Variants in MAD1L1 observed in about 807,000 individuals in gnomAD.
MAD1L1 encodes mitotic arrest deficient 1 like 1.
A neutral mutation model predicts 96.9 loss-of-function variants in MAD1L1; 95 were observed. The ratio of observed to expected loss-of-function variants is 0.98; its 90% CI spans 0.83 to 1.16. The LOEUF is 1.16. Ranked by LOEUF, MAD1L1 falls within the 50% of genes most tolerant of loss-of-function variation. MAD1L1 has a pLI of 0.00. For missense variants in MAD1L1, 1,007 were observed against 954.4 expected (o/e 1.06, Z -0.73); for synonymous variants, 473 against 396.6 (o/e 1.19, Z -2.29).
At chr7:2,037,610 G>A (rs1484669662) in intron 12 of MAD1L1, among the ~76,000 whole-genome samples, 3 of 152,114 alleles carry the variant, frequency 2.0e-5, no homozygotes, top group African/African-American at 4.8e-5. Context: ...CTGTACTTCC[G>A]ACATTGCATC....
At chr7:1,930,661 C>T (rs565839035) in intron 17 of MAD1L1, among the ~76,000 whole-genome samples, 115 of 150,950 alleles carry the variant, frequency 7.6e-4, no homozygotes, top group Non-Finnish European at 1.3e-3. Flanking sequence ...CTTGGGGGCC[C>T]TGATTCCCCA....
chr7:1,842,670 A>C (rs1397499033), intron 18 of MAD1L1, among the ~76,000 whole-genome samples: 1 of 152,086 alleles, frequency 6.6e-6, no homozygotes, highest in Non-Finnish European at 1.5e-5. Flanking sequence ...TGGGCCCATC[A>C]TTTACTGAGT....
chr7:2,075,367 C>T (rs538295554), intron 11 of MAD1L1, among the ~76,000 whole-genome samples: 2 of 152,356 alleles, frequency 1.3e-5, no homozygotes, highest in Admixed American at 6.5e-5. Context: ...CGGGACCCAG[C>T]ACGCTGAGCC....
chr7:1,877,921 T>G (rs1008410672), intron 18 of MAD1L1, among the ~76,000 whole-genome samples: 39 of 151,486 alleles, frequency 2.6e-4, no homozygotes, highest in Non-Finnish European at 4.6e-4. Flanking sequence ...AGGAGAGAGA[T>G]AAAAAAATCG....
At chr7:2,135,856 G>A (rs908419018) in intron 11 of MAD1L1, among the ~76,000 whole-genome samples, 4 of 152,274 alleles carry the variant, frequency 2.6e-5, no homozygotes, top group African/African-American at 4.8e-5. Context: ...TGAGTCCAAG[G>A]ATCTCTATTT....
intron 17 of MAD1L1, among the ~76,000 whole-genome samples, chr7:1,923,402 C>T (rs1788907590): frequency 6.6e-6 from 1 of 151,144 alleles, no homozygotes; most frequent in South Asian, 2.1e-4. Flanking sequence ...TGTCTGTCTC[C>T]ATCCTCTTCT....
chr7:1,903,694 C>G (rs1787423866), intron 17 of MAD1L1, among the ~76,000 whole-genome samples: 1 of 145,088 alleles, frequency 6.9e-6, no homozygotes, highest in African/African-American at 2.7e-5. Flanking sequence ...TTGCGGAACT[C>G]ATGATTGATG....
At chr7:2,071,588 AG>A (rs1219910263) in intron 11 of MAD1L1, among the ~76,000 whole-genome samples, 1 of 152,212 alleles carries the variant, frequency 6.6e-6, no homozygotes, top group Non-Finnish European at 1.5e-5. Context: ...AGGAAGATCG[AG>A]GCCGGACTAG....
Position 1,845,706 on chromosome 7 carries a change from TAGG to T in MAD1L1, c.1999-29481_1999-29479del, listed in dbSNP as rs1266573668. The T allele has an allele frequency of 4.6e-5, 7 of 152,050 alleles. 1 individual carries two copies. The highest frequency in any genetic ancestry group is 1.0e-4 in the Non-Finnish European group (7 of 67,876). The allele number at this position is 152,050 out of a possible 1,614,324, so 9.4% of individuals were successfully genotyped here. ...CTGGTTCACGGGGAAGAGCGCTGTT[TAGG>T]AGATGGACACGCTCCACGCAGACAC... On this transcript the variant is annotated intron_variant, in intron 18 of 18. Transcript: ENST00000265854.
chr7:2,201,071 C>G lies in MAD1L1; in HGVS notation c.986+12141G>C, dbSNP rs1792269003. ...AGCTACAGCTGGCTGCAGGGAGTGA[C>G]CCCAGGTGATCCTGTAGAGGTCACA... On this transcript the variant is annotated intron_variant, in intron 10 of 18. Coordinates refer to ENST00000265854, the MANE Select transcript of MAD1L1 (RefSeq NM_001013836.2). 2.0e-5 allele frequency among the ~76,000 whole-genome samples: 3 copies of G among 152,312 alleles called. No homozygotes were observed. In the South Asian group the frequency reaches 6.2e-4, roughly 32 times the overall value.
chr7:2,140,662 G>A (rs55997693), intron 11 of MAD1L1, among the ~76,000 whole-genome samples: 31 of 152,338 alleles, frequency 2.0e-4, no homozygotes, highest in Admixed American at 1.3e-4. Context: ...GAAACCCCAA[G>A]GAGCAACCAG....
chr7:2,079,197 C>T (rs1407754727), intron 11 of MAD1L1, among the ~76,000 whole-genome samples: 1 of 152,342 alleles, frequency 6.6e-6, no homozygotes, highest in East Asian at 1.9e-4. Context: ...AAGAGAGGGG[C>T]AAGCCCTCCT....
At chr7:2,047,836 G>T (rs1783994038) in intron 12 of MAD1L1, among the ~76,000 whole-genome samples, 1 of 152,088 alleles carries the variant, frequency 6.6e-6, no homozygotes, top group South Asian at 2.1e-4. Flanking sequence ...TGACTCCACA[G>T]ACACATGCAC....
chr7:1,842,030 C>T (rs1051747016), intron 18 of MAD1L1, among the ~76,000 whole-genome samples: 7 of 152,210 alleles, frequency 4.6e-5, no homozygotes, highest in Admixed American at 2.0e-4. Context: ...CGTCACCATC[C>T]GCTGCAAATT....
At chr7:2,150,114 G>A (rs953261660) in intron 10 of MAD1L1, among the ~76,000 whole-genome samples, 3 of 152,142 alleles carry the variant, frequency 2.0e-5, no homozygotes, top group African/African-American at 7.2e-5. Context: ...CAGGGAGCCC[G>A]CACCGCACCA....
chr7:1,874,766 T>G (rs1785291650), intron 18 of MAD1L1, among the ~76,000 whole-genome samples: 1 of 148,004 alleles, frequency 6.8e-6, no homozygotes, highest in Non-Finnish European at 1.5e-5. Context: ...CGGGGAGGGG[T>G]GGGGCTGGAG....
At chr7:1,990,036 G>A (rs1252187030) in intron 14 of MAD1L1, among the ~76,000 whole-genome samples, 1 of 152,244 alleles carries the variant, frequency 6.6e-6, no homozygotes, top group Admixed American at 6.5e-5. Context: ...AGGAGGAGCT[G>A]GGTAACTCCC....
intron 17 of MAD1L1, among the ~76,000 whole-genome samples, chr7:1,923,066 G>A (rs1024676076): frequency 1.1e-4 from 17 of 152,156 alleles, no homozygotes; most frequent in Non-Finnish European, 7.4e-5. Flanking sequence ...CTGTTTTCTT[G>A]GAGAGTTTTG....
At chr7:1,885,637 G>A (rs57871170) in intron 18 of MAD1L1, among the ~76,000 whole-genome samples, 17,638 of 152,210 alleles carry the variant, frequency 0.12, 1,667 homozygotes, top group African/African-American at 0.24. Context: ...CAACCCCCCA[G>A]TTCCGTCCAC....
Sources: gnomAD v4.1 joint callset for allele counts (sites outside exome capture counted in the v4.1 genomes callset) on GRCh38, gnomAD v4.1.1 for gene constraint, MANE v1.5 for transcripts, NCBI Gene and HGNC (gene_info 2026-07-23, HGNC 2026-07-21) for gene names.